Variants in LHPP observed in about 807,000 individuals in gnomAD.
LHPP encodes the protein phospholysine phosphohistidine inorganic pyrophosphate phosphatase.
LHPP carries 24 observed loss-of-function variants against 30.3 expected under a neutral mutation model. That is an observed-to-expected ratio of 0.79 (90% confidence interval 0.57 to 1.11). The LOEUF is 1.11. LHPP is among the 50% of genes most tolerant of loss of function. The pLI is 0.00. For synonymous variants in LHPP, 150 were observed against 157.1 expected, an observed-to-expected ratio of 0.95 and a Z score of 0.34; for missense variants, 356 against 367.2, an observed-to-expected ratio of 0.97 and a Z score of 0.25.
intron 3 of LHPP, among the ~76,000 whole-genome samples, chr10:124,493,193 T>A (rs4962635): frequency 6.6e-6 from 1 of 151,920 alleles, no homozygotes; most frequent in African/African-American, 2.4e-5. Flanking sequence ...ACAAGGGTTT[T>A]TTTAAAGTAG....
At chr10:124,569,386 C>T (rs1313129256) in intron 6 of LHPP, among the ~76,000 whole-genome samples, 1 of 152,186 alleles carries the variant, frequency 6.6e-6, no homozygotes, top group East Asian at 1.9e-4. Flanking sequence ...GGACAGCCTA[C>T]AGAGCTGCTG....
rs182330969 is a variant in LHPP, at chr10:124,576,435, C to A, written c.717-36829C>A. 8.6e-5 allele frequency among the ~76,000 whole-genome samples: 13 copies of A among 151,206 alleles called. No individual in the cohort carries two copies. Among genetic ancestry groups the A allele is most frequent in the Non-Finnish European group, 1.6e-4 (11 of 67,780 alleles). ...CCCAGACTCCTTTCCATGAGCTGCT[C>A]CCAGACCCCCTCATATCCATCCTGC... On this transcript the variant is annotated intron_variant, in intron 6 of 6. Transcript: ENST00000368842. This position sits in a 1 kb window ranked among gnomAD's most constrained non-coding sequence, Gnocchi z 4.2.
rs1293301435 is a variant in LHPP at position 124,592,559 on chromosome 10, C to A, written c.717-20705C>A. On this transcript the variant is annotated intron_variant, in intron 6 of 6. Coordinates refer to ENST00000368842, the MANE Select transcript of LHPP (RefSeq NM_022126.4). This position sits in a 1 kb window ranked among gnomAD's most constrained non-coding sequence, Gnocchi z 6.2. ...GATTTCCCTTCCAGTCCTCAGTTTC[C>A]CCTTCTCTCCGGCACCCTCCTGAGG... Among the ~76,000 whole-genome samples the A allele has an allele frequency of 1.3e-5, 2 of 152,198 alleles. No individual in the cohort carries two copies. The highest frequency in any genetic ancestry group is 2.9e-5 in the Non-Finnish European group (2 of 68,032).
chr10:124,567,994 C>T (rs561052209), intron 6 of LHPP, among the ~76,000 whole-genome samples: 1 of 152,338 alleles, frequency 6.6e-6, no homozygotes, highest in African/African-American at 2.4e-5. Context: ...CTCACTGCAA[C>T]CTCCGCCTCC....
At chr10:124,602,045 T>TGGGA (rs1223746335) in intron 6 of LHPP, among the ~76,000 whole-genome samples, 1 of 152,012 alleles carries the variant, frequency 6.6e-6, no homozygotes, top group Non-Finnish European at 1.5e-5. Context: ...CGGGGGTGGG[T>TGGGA]GGGAGTGGAG....
intron 6 of LHPP, among the ~76,000 whole-genome samples, chr10:124,550,591 T>C (rs1948143455): frequency 1.3e-5 from 2 of 152,210 alleles, no homozygotes; most frequent in African/African-American, 2.4e-5. Flanking sequence ...AGTGTGTTTA[T>C]GTGCACAGGG....
At chr10:124,508,678 A>T (rs1954224850) in intron 5 of LHPP, among the ~76,000 whole-genome samples, 1 of 152,070 alleles carries the variant, frequency 6.6e-6, no homozygotes, top group South Asian at 2.1e-4. Flanking sequence ...TGCTCATTAA[A>T]GGAGCTAAGA....
chr10:124,498,431 A>AATATATAT, intron 5 of LHPP: 1 of 1,523,440 alleles, frequency 6.6e-7, no homozygotes, highest in Admixed American at 2.1e-5. Flanking sequence ...TCAGTGTGTT[A>AATATATAT]ATATATCTCA....
intron 6 of LHPP, among the ~76,000 whole-genome samples, chr10:124,546,472 G>T (rs1297843513): frequency 6.6e-6 from 1 of 152,116 alleles, no homozygotes; most frequent in Non-Finnish European, 1.5e-5. Flanking sequence ...GCGCGATCTC[G>T]GCTCACTGCA....
chr10:124,494,321 A>G (rs967894132), intron 3 of LHPP, among the ~76,000 whole-genome samples: 2 of 152,178 alleles, frequency 1.3e-5, no homozygotes, highest in Non-Finnish European at 2.9e-5. Context: ...GCCCCAGGGT[A>G]GCTGAGGGAC....
At chr10:124,589,134 G>A (rs1220347423) in intron 6 of LHPP, among the ~76,000 whole-genome samples, 1 of 152,236 alleles carries the variant, frequency 6.6e-6, no homozygotes, top group Non-Finnish European at 1.5e-5. Context: ...AGCAGAACCT[G>A]TTCCTGCTGC....
intron 6 of LHPP, among the ~76,000 whole-genome samples, chr10:124,538,098 G>T (rs575436127): frequency 1.2e-4 from 19 of 152,314 alleles, no homozygotes; most frequent in African/African-American, 3.6e-4. Context: ...GCCATGCGGG[G>T]TCACCATGCG....
intron 1 of LHPP, among the ~76,000 whole-genome samples, chr10:124,471,268 T>A (rs1247209309): frequency 6.6e-6 from 1 of 150,744 alleles, no homozygotes; most frequent in East Asian, 2.0e-4. Context: ...ATGTGTTTGG[T>A]TAGTCACAGG....
chr10:124,588,234 G>A (rs540337589), intron 6 of LHPP, among the ~76,000 whole-genome samples: 1 of 152,310 alleles, frequency 6.6e-6, no homozygotes, highest in East Asian at 1.9e-4. Flanking sequence ...AAGGTGCCCT[G>A]GGTCCAGCTG....
At chr10:124,495,173 A>C (rs1357435908) in intron 3 of LHPP, among the ~76,000 whole-genome samples, 1 of 152,176 alleles carries the variant, frequency 6.6e-6, no homozygotes, top group Non-Finnish European at 1.5e-5. Context: ...TCACTCTAAA[A>C]GGGAGGGCAT....
At chr10:124,549,050 G>A (rs1263904383) in intron 6 of LHPP, among the ~76,000 whole-genome samples, 1 of 152,248 alleles carries the variant, frequency 6.6e-6, no homozygotes, top group Non-Finnish European at 1.5e-5. Flanking sequence ...CTTGTGGTTA[G>A]ACCTGAATGG....
At chr10:124,526,230 C>T (rs1396681180) in intron 6 of LHPP, 7 of 985,272 alleles carry the variant, frequency 7.1e-6, no homozygotes, top group African/African-American at 1.7e-5. Context: ...CTCCCTGAAG[C>T]GCGTTCCCCA....
At chr10:124,486,331 A>C (rs1469028953) in intron 2 of LHPP, among the ~76,000 whole-genome samples, 1 of 152,142 alleles carries the variant, frequency 6.6e-6, no homozygotes, top group Non-Finnish European at 1.5e-5. Flanking sequence ...AAGTTTTCCT[A>C]TTCTAGAATT....
rs917814266 is a variant in LHPP, at chr10:124,596,917, G to A, written c.717-16347G>A. On this transcript the variant is annotated intron_variant, in intron 6 of 6. Coordinates refer to ENST00000368842, the MANE Select transcript of LHPP (RefSeq NM_022126.4). The surrounding 1 kb of genome is among the most constrained non-coding windows in gnomAD (Gnocchi z 4.6). ...GCCAGAGGAGACTGACTTTTGAGTC[G>A]GTGGACCGGGTGACGGAGACCCACC... Among the ~76,000 whole-genome samples the A allele has an allele frequency of 8.6e-4, 131 of 152,314 alleles. No homozygotes were observed. Among genetic ancestry groups the A allele is most frequent in the Middle Eastern group, 3.4e-3 (1 of 294 alleles).
Sources: gnomAD v4.1 joint callset for allele counts (sites outside exome capture counted in the v4.1 genomes callset) on GRCh38, gnomAD v4.1.1 for gene constraint, Gnocchi (gnomAD v3.1) non-coding constraint, MANE v1.5 for transcripts, NCBI Gene and HGNC (gene_info 2026-07-23, HGNC 2026-07-21) for gene names.